LEKR1: variants seen among roughly 807,000 people sequenced by gnomAD.
The protein encoded by LEKR1 is protein LEKR1.
LEKR1 carries 59 observed loss-of-function variants against 72.4 expected under a neutral mutation model. The observed-to-expected ratio is 0.82, with a 90% CI of 0.66 to 1.01. LEKR1 has a LOEUF of 1.01. Among genes scored for constraint, LEKR1 ranks in the 50% least tolerant of loss-of-function variants. The pLI is 0.00. For synonymous variants in LEKR1, 257 were observed against 263.2 expected (o/e 0.98, Z 0.23); for missense variants, 728 against 759.2 (o/e 0.96, Z 0.48).
intron 9 of LEKR1, among the ~76,000 whole-genome samples, chr3:156,995,843 A>C (rs1262989632): frequency 6.6e-6 from 1 of 152,134 alleles, no homozygotes; most frequent in African/African-American, 2.4e-5. Context: ...TAAATAAATA[A>C]ATAAATTTTT....
chr3:156,903,094 G>T (rs974405198), intron 3 of LEKR1, among the ~76,000 whole-genome samples: 1 of 151,920 alleles, frequency 6.6e-6, no homozygotes, highest in African/African-American at 2.4e-5. Flanking sequence ...TCTATATTTA[G>T]ATCTATTTCT....
intron 10 of LEKR1, among the ~76,000 whole-genome samples, chr3:157,013,327 G>T (rs1255808325): frequency 6.6e-6 from 1 of 152,046 alleles, no homozygotes; most frequent in Non-Finnish European, 1.5e-5. Flanking sequence ...TGGAGAAAAG[G>T]TCTCTGTTTA....
Position 156,893,113 on chromosome 3 carries a change from G to A in LEKR1, c.264-27462G>A, listed in dbSNP as rs546098573. On this transcript the variant is annotated intron_variant, in intron 3 of 12. Coordinates refer to ENST00000356539, the MANE Select transcript of LEKR1 (RefSeq NM_001004316.3). ...GGGAGGCTTCAGGTTCTGTATTTTG[G>A]AGAGTGTATTTTGAAGAAATGTAAA... 6.6e-5 allele frequency among the ~76,000 whole-genome samples: 10 copies of A among 152,278 alleles called. No individual in the cohort carries two copies. The East Asian group carries it at 1.9e-3, about 29-fold the overall frequency.
chr3:157,029,866 G>A (rs1734477228), intron 12 of LEKR1, among the ~76,000 whole-genome samples: 1 of 152,118 alleles, frequency 6.6e-6, no homozygotes, highest in South Asian at 2.1e-4. Flanking sequence ...ATTCACAAAA[G>A]AAATGGCAAT....
chr3:156,932,344 C>A (rs1388841807), intron 5 of LEKR1, among the ~76,000 whole-genome samples: 1 of 152,066 alleles, frequency 6.6e-6, no homozygotes, highest in Non-Finnish European at 1.5e-5. Flanking sequence ...TTTTATATGA[C>A]AATATGCTTT....
intron 2 of LEKR1, among the ~76,000 whole-genome samples, chr3:156,832,530 C>T (rs905776532): frequency 2.0e-5 from 3 of 152,116 alleles, no homozygotes; most frequent in Non-Finnish European, 4.4e-5. Context: ...AGTTATTTGC[C>T]AAATAGGTTC....
At chr3:156,923,203 T>G (rs1357702213) in intron 4 of LEKR1, among the ~76,000 whole-genome samples, 1 of 152,164 alleles carries the variant, frequency 6.6e-6, no homozygotes, top group Non-Finnish European at 1.5e-5. Context: ...GGAGACAATT[T>G]AATTATTTTT....
chr3:156,983,330 A>C (rs1007764765), intron 7 of LEKR1, among the ~76,000 whole-genome samples: 1 of 152,198 alleles, frequency 6.6e-6, no homozygotes, highest in African/African-American at 2.4e-5. Context: ...GAAGGGAGTG[A>C]GACCTGGTGA....
chr3:157,014,952 G>A (rs1200992914), intron 10 of LEKR1, among the ~76,000 whole-genome samples: 1 of 152,124 alleles, frequency 6.6e-6, no homozygotes, highest in African/African-American at 2.4e-5. Flanking sequence ...TGGCCAAGAT[G>A]GAGTAATGGG....
chr3:156,879,051 A>G (rs1718966112), intron 3 of LEKR1, among the ~76,000 whole-genome samples: 1 of 152,170 alleles, frequency 6.6e-6, no homozygotes, highest in Admixed American at 6.5e-5. Context: ...GTAAATTGGT[A>G]CCGGTAGAGT....
chr3:156,942,770 A>G (rs1726337924), intron 6 of LEKR1, 56 bp downstream of exon 6: 5 of 762,888 alleles, frequency 6.6e-6, no homozygotes, highest in East Asian at 9.2e-5. Flanking sequence ...ACATGAATAA[A>G]TGTTTACATT....
chr3:157,038,388 T>C (rs1404832207), intron 12 of LEKR1, among the ~76,000 whole-genome samples: 3 of 152,234 alleles, frequency 2.0e-5, no homozygotes. Context: ...GATCTTAATA[T>C]GCCTGTTAGA....
chr3:156,988,080 T>G (rs994960810), intron 7 of LEKR1: 5 of 153,228 alleles, frequency 3.3e-5, no homozygotes, highest in African/African-American at 1.2e-4. Context: ...CCATGTGACT[T>G]GGAGACATGC....
Position 157,020,424 on chromosome 3 carries a change from C to G in LEKR1, c.1204-4336C>G, listed in dbSNP as rs1733732574. ...GGTATATCTCCTAATGCTATCCCTCCCCCCTCCCCCCACCCTACATCAGTC... is the reference window on the plus strand; with the variant it reads ...GGTATATCTCCTAATGCTATCCCTCGCCCCTCCCCCCACCCTACATCAGTC... On this transcript the variant is annotated intron_variant, in intron 10 of 12. Transcript: ENST00000356539. Among the ~76,000 whole-genome samples the G allele has an allele frequency of 3.3e-5, 3 of 89,910 alleles. 1 individual carries two copies. In the East Asian group the frequency reaches 1.2e-3, roughly 37 times the overall value. The allele number at this position is 89,910 out of a possible 152,430, so 59.0% of individuals were successfully genotyped here.
intron 5 of LEKR1, among the ~76,000 whole-genome samples, chr3:156,934,192 C>G (rs181575197): frequency 4.6e-5 from 7 of 152,174 alleles, no homozygotes; most frequent in African/African-American, 1.7e-4. Context: ...TGTTTACTGC[C>G]AGTCTCCTCC....
At chr3:156,988,436 C>A (rs776611260) in intron 7 of LEKR1, 10 of 209,314 alleles carry the variant, frequency 4.8e-5, no homozygotes, top group Non-Finnish European at 8.3e-5. Context: ...TGAGTCATGG[C>A]TTTTTCCCTT....
At chr3:156,908,467 C>T (rs780869369) in intron 3 of LEKR1, among the ~76,000 whole-genome samples, 2 of 152,078 alleles carry the variant, frequency 1.3e-5, no homozygotes, top group Non-Finnish European at 2.9e-5. Flanking sequence ...AGTGTGGACT[C>T]ATTCACTTTA....
intron 2 of LEKR1, among the ~76,000 whole-genome samples, chr3:156,830,486 T>G (rs1264119574): frequency 6.6e-6 from 1 of 152,214 alleles, no homozygotes; most frequent in Non-Finnish European, 1.5e-5. Context: ...TATTTCAAGA[T>G]AAATGAATCC....
intron 9 of LEKR1, among the ~76,000 whole-genome samples, chr3:157,001,107 G>A (rs6802521): frequency 0.73 from 111,811 of 152,132 alleles, 41,540 homozygotes; most frequent in East Asian, 0.93. Flanking sequence ...TCTTTCCTTC[G>A]TAAATTACCC....
Sources: allele counts gnomAD v4.1 joint callset (sites outside exome capture counted in the v4.1 genomes callset), GRCh38; gene constraint gnomAD v4.1.1; transcripts MANE v1.5; gene names NCBI Gene and HGNC (gene_info 2026-07-23, HGNC 2026-07-21).